The following CCND3 variants were observed in gnomAD, a reference collection of about 807,000 sequenced individuals.
The protein encoded by CCND3 is cyclin D3.
In CCND3, 9 loss-of-function variants were observed where a neutral mutation model predicts 28.7. The observed-to-expected ratio is 0.31, with a 90% CI of 0.19 to 0.55. CCND3 has a LOEUF of 0.55. Among genes scored for constraint, CCND3 ranks in the 20% least tolerant of loss-of-function variants. CCND3 has a pLI of 0.93. For synonymous variants in CCND3, 164 were observed against 163.9 expected (o/e 1.00, Z 0.00); for missense variants, 315 against 385.8 (o/e 0.82, Z 1.54).
intron 1 of CCND3, among the ~76,000 whole-genome samples, chr6:41,994,873 A>G (rs1582141867): frequency 6.6e-6 from 1 of 152,080 alleles, no homozygotes; most frequent in East Asian, 1.9e-4. Flanking sequence ...GGAGTTCCAG[A>G]CCAGGCTGGC....
intron 1 of CCND3, among the ~76,000 whole-genome samples, chr6:41,969,081 C>A (rs766901293): frequency 7.9e-5 from 12 of 151,924 alleles, no homozygotes; most frequent in Non-Finnish European, 1.6e-4. Context: ...CAGGTGTGAG[C>A]CACCATGCCC....
rs1318503723 is a variant in CCND3, at chr6:41,939,451, C to T, written c.414+919G>A. On this transcript the variant is annotated intron_variant, in intron 2 of 4. Transcript: ENST00000372991. The surrounding 1 kb of genome is among the most constrained non-coding windows in gnomAD (Gnocchi z 4.2). ...CCTAAATAACCTCTTCCAGATCCAG[C>T]AGCTCCCCCGCCTCCTCCCCAGGCT... Among the ~76,000 whole-genome samples the T allele has an allele frequency of 1.3e-5, 2 of 152,178 alleles. No individual in the cohort carries two copies. The highest frequency in any genetic ancestry group is 2.9e-5 in the Non-Finnish European group (2 of 68,018).
At chr6:42,024,362 C>T (rs1332756144) in intron 1 of CCND3, among the ~76,000 whole-genome samples, 1 of 148,992 alleles carries the variant, frequency 6.7e-6, no homozygotes, top group Non-Finnish European at 1.5e-5. Context: ...GAGATCACGC[C>T]ACTGCATTGC....
intron 1 of CCND3, among the ~76,000 whole-genome samples, chr6:41,959,224 G>A (rs563346904): frequency 9.6e-4 from 146 of 152,306 alleles, no homozygotes; most frequent in African/African-American, 3.0e-3. Flanking sequence ...TGAGGCAGGA[G>A]AATGGCTCGA....
chr6:42,002,542 G>A (rs1274337068), intron 1 of CCND3, among the ~76,000 whole-genome samples: 2 of 151,870 alleles, frequency 1.3e-5, no homozygotes, highest in African/African-American at 4.8e-5. Context: ...GAAATATATA[G>A]CCTTAAGTGC....
chr6:42,036,436 G>T (rs1180071063), intron 1 of CCND3, among the ~76,000 whole-genome samples: 1 of 96,558 alleles, frequency 1.0e-5, no homozygotes, highest in Non-Finnish European at 1.9e-5. Flanking sequence ...TTGACACAGG[G>T]TCTCCCTCTG....
chr6:41,940,522 A>G lies in CCND3; in HGVS notation c.262T>C (p.Tyr88His), dbSNP rs757136476. Reference protein sequence around the residue: ...FPLAMNYLDRYLSCVPTRKAQ... With the variant: ...FPLAMNYLDRHLSCVPTRKAQ... ...TTTCGGGTGGGGACGCAAGACAGGTAGCGATCCAGGTAGTTCATGGCCAGG... is the reference window on the plus strand; with the variant it reads ...TTTCGGGTGGGGACGCAAGACAGGTGGCGATCCAGGTAGTTCATGGCCAGG... Residue 88 changes from tyrosine to histidine, a missense_variant, in exon 2 of 5, where the codon TAC (tyrosine) becomes CAC (histidine). Transcript: ENST00000372991. The G allele has an allele frequency of 6.2e-7, 1 of 1,613,944 alleles. No homozygotes were observed. Among genetic ancestry groups the G allele is most frequent in the Non-Finnish European group, 8.5e-7 (1 of 1,179,992 alleles).
chr6:41,958,153 T>C (rs1039688616), intron 1 of CCND3, among the ~76,000 whole-genome samples: 4 of 151,962 alleles, frequency 2.6e-5, no homozygotes, highest in African/African-American at 9.7e-5. Flanking sequence ...CAAGCCACCA[T>C]GCCCAGCTAA....
chr6:41,960,248 A>G (rs1761684204), intron 1 of CCND3, among the ~76,000 whole-genome samples: 1 of 152,158 alleles, frequency 6.6e-6, no homozygotes, highest in African/African-American at 2.4e-5. Flanking sequence ...GATAATGGAG[A>G]GTGACTGCTA....
intron 1 of CCND3, among the ~76,000 whole-genome samples, chr6:42,037,904 G>A (rs1321358410): frequency 1.3e-5 from 2 of 151,824 alleles, no homozygotes; most frequent in Admixed American, 6.6e-5. Flanking sequence ...GGTCGCACAT[G>A]CCTGTAATCC....
chr6:41,981,562 C>G (rs965470835), intron 1 of CCND3, among the ~76,000 whole-genome samples: 1 of 151,902 alleles, frequency 6.6e-6, no homozygotes, highest in African/African-American at 2.4e-5. Context: ...TCTGCTCTTT[C>G]ACCCAGGCTG....
At chr6:42,040,872 A>C (rs112712778) in intron 1 of CCND3, among the ~76,000 whole-genome samples, 133 of 149,978 alleles carry the variant, frequency 8.9e-4, no homozygotes, top group South Asian at 1.3e-3. Context: ...AACAAACAAA[A>C]AAAAAACAAA....
chr6:42,027,306 G>A (rs2127435189), intron 1 of CCND3, among the ~76,000 whole-genome samples: 1 of 152,186 alleles, frequency 6.6e-6, no homozygotes, highest in South Asian at 2.1e-4. Flanking sequence ...CAGGCTTGGT[G>A]GCAGGCGCCT....
intron 1 of CCND3, among the ~76,000 whole-genome samples, chr6:42,042,206 T>C (rs537140382): frequency 1.7e-4 from 26 of 152,250 alleles, no homozygotes; most frequent in African/African-American, 5.8e-4. Flanking sequence ...GATGGCCCCA[T>C]ATCCACCCCG....
chr6:41,963,662 G>C (rs1457146906), intron 1 of CCND3, among the ~76,000 whole-genome samples: 1 of 152,370 alleles, frequency 6.6e-6, no homozygotes, highest in African/African-American at 2.4e-5. Context: ...GGCAGCTACT[G>C]TGTCCCACAA....
chr6:41,936,034 C>T lies in CCND3; in HGVS notation c.785G>A (p.Ser262Asn), dbSNP rs748692236. 5 of 1,613,336 alleles carry T rather than the reference C, an allele frequency of 3.1e-6. No homozygotes were observed. The African/African-American group carries it at 5.3e-5, about 17-fold the overall frequency. ...RESLREASQTSSSPAPKAPRG... is the reference protein window; with the variant it reads ...RESLREASQTNSSPAPKAPRG... ...GGGGGCTTTGGGCGCTGGGCTGGAG[C>T]TGGTCTGAGAGGCTTCCCTGAGGCT... is the stretch of plus-strand genomic sequence containing the variant. Residue 262 changes from serine to asparagine, a missense_variant, in exon 5 of 5, where the codon AGC (serine) becomes AAC (asparagine). Coordinates refer to ENST00000372991, the MANE Select transcript of CCND3 (RefSeq NM_001760.5). This position sits in a 1 kb window ranked among gnomAD's most constrained non-coding sequence, Gnocchi z 4.4.
At position 41,950,713 on chromosome 6, in the gene CCND3, C is replaced by CTTTT. The variant is rs760874931; in HGVS notation, c.-45-10132_-45-10129dup. 4.4e-5 allele frequency among the ~76,000 whole-genome samples: 6 copies of CTTTT among 137,184 alleles called. 1 individual carries two copies. Among genetic ancestry groups the CTTTT allele is most frequent in the East Asian group, 2.1e-4 (1 of 4,700 alleles). 90.0% of individuals were successfully genotyped at this position (137,184 alleles called of 152,430 possible). A position where few individuals can be genotyped will look rare whatever the true frequency, so the allele number is the denominator to read the frequency against. On this transcript the variant is annotated intron_variant, in intron 1 of 4. Transcript: ENST00000372988. ...GATGAGAAGACTCCCTTTTTTTTTT[C>CTTTT]TTTTTTTTTTTTTGAGATGGAGTCT...
In CCND3 at chr6:41,941,083, C is replaced by CGGG. The variant is rs1775997624; in HGVS notation, c.198+366_198+368dup. ...CGCGAAAGACACAGGAACCGGCTCC[C>CGGG]GGGCGGGGGCGGCCGAGCCCAGGGT... On this transcript the variant is annotated intron_variant, in intron 1 of 4. Coordinates refer to ENST00000372991, the MANE Select transcript of CCND3 (RefSeq NM_001760.5). This position sits in a 1 kb window ranked among gnomAD's most constrained non-coding sequence, Gnocchi z 6.1. The CGGG allele has an allele frequency of 6.4e-7, 1 of 1,553,212 alleles. No individual in the cohort carries two copies.
At chr6:41,937,419 G>A in intron 2 of CCND3, 25 bp from the exon 3 acceptor site, 1 of 1,613,578 alleles carries the variant, frequency 6.2e-7, no homozygotes. Flanking sequence ...AAAGGGTGGG[G>A]TCAGTGGCTG....
Sources: allele counts gnomAD v4.1 joint callset (sites outside exome capture counted in the v4.1 genomes callset), GRCh38; gene constraint gnomAD v4.1.1; non-coding constraint Gnocchi (gnomAD v3.1); transcripts MANE v1.5; gene names NCBI Gene and HGNC (gene_info 2026-07-23, HGNC 2026-07-21).